The following B9D1 variants were observed in gnomAD, a reference collection of about 807,000 sequenced individuals.
The protein encoded by B9D1 is B9 domain containing 1.
In B9D1, 20 loss-of-function variants were observed where a neutral mutation model predicts 26.1. That is an observed-to-expected ratio of 0.77 (90% CI 0.54 to 1.12). The LOEUF is 1.12. B9D1 is among the 50% of genes most tolerant of loss of function. The pLI, the probability that B9D1 is intolerant of heterozygous loss-of-function variation, is 0.00. For missense variants in B9D1, 260 were observed against 273.7 expected (o/e 0.95, Z 0.35); for synonymous variants, 105 against 103.1 (o/e 1.02, Z -0.11).
At chr17:19,361,048 C>T (rs149794594) in intron 1 of B9D1, among the ~76,000 whole-genome samples, 1,569 of 152,110 alleles carry the variant, frequency 0.01, 20 homozygotes, top group African/African-American at 0.034. Flanking sequence ...CATAGGAGCA[C>T]GAACCCTACT....
At chr17:19,362,737 A>C (rs1911310648), upstream of B9D1, 254 of 1,376,924 alleles carry the variant, frequency 1.8e-4, no homozygotes, top group East Asian at 8.2e-4. Context: ...GGCGCAGTGA[A>C]CGGGCGCCGT....
At chr17:19,377,867 C>T in exon 1 of B9D1, 1 of 985,400 alleles carries the variant, frequency 1.0e-6, no homozygotes, top group Non-Finnish European at 1.2e-6. Flanking sequence ...ACCTAGAAGC[C>T]AGGAAACCGC....
upstream of B9D1, among the ~76,000 whole-genome samples, chr17:19,365,290 C>G (rs1911529531): frequency 6.6e-6 from 1 of 152,240 alleles, no homozygotes; most frequent in South Asian, 2.1e-4. The surrounding 1 kb of genome is among the most constrained non-coding windows in gnomAD (Gnocchi z 5.0). Flanking sequence ...CGATCTGGAC[C>G]CAAGGTCACA....
chr17:19,337,638 C>T, downstream of B9D1: 1 of 1,344,052 alleles, frequency 7.4e-7, no homozygotes, highest in Admixed American at 2.0e-5. Flanking sequence ...AACACATCTC[C>T]AGGTCTCAGC....
upstream of B9D1, chr17:19,362,818 C>T (rs1911320644): frequency 5.3e-6 from 6 of 1,140,842 alleles, no homozygotes; most frequent in East Asian, 1.2e-4. Flanking sequence ...CAGGTATGAC[C>T]GAGAGCTGGG....
upstream of B9D1, chr17:19,363,893 C>G (rs542806869): frequency 3.2e-4 from 48 of 152,234 alleles, no homozygotes; most frequent in African/African-American, 1.1e-3. Context: ...GTTCACACAT[C>G]TGACAAGAGC....
chr17:19,342,638 G>A (rs1052101337), downstream of B9D1, among the ~76,000 whole-genome samples: 3 of 152,196 alleles, frequency 2.0e-5, no homozygotes, highest in Admixed American at 2.0e-4. Flanking sequence ...AGGTCAGGGT[G>A]TTGAGCCAGG....
At chr17:19,375,260 A>C (rs1361427863) in intron 1 of B9D1, among the ~76,000 whole-genome samples, 1 of 151,940 alleles carries the variant, frequency 6.6e-6, no homozygotes, top group East Asian at 1.9e-4. Flanking sequence ...ACCGCACTCT[A>C]GCCTGGGCTG....
downstream of B9D1, chr17:19,335,319 C>A (rs373473878): frequency 7.3e-7 from 1 of 1,372,102 alleles, no homozygotes; most frequent in South Asian, 1.4e-5. Context: ...ACGAATATAC[C>A]AACATCCTGA....
At position 19,347,198 on chromosome 17, in the gene B9D1, T is replaced by A. The variant is rs755218740; in HGVS notation, c.404+71A>T. On this transcript the variant is annotated intron_variant, in intron 5 of 6. Coordinates refer to ENST00000261499, the MANE Select transcript of B9D1 (RefSeq NM_015681.6). The surrounding 1 kb of genome is among the most constrained non-coding windows in gnomAD (Gnocchi z 4.3). The stretch of plus-strand genomic sequence containing the variant: ...TCTGAGGAGGCGACCAGGCACAAAC[T>A]GAGGGGTAGAATGGGACATCCATTC... 5.6e-6 allele frequency: 9 copies of A among 1,614,088 alleles called. No homozygotes were observed. In the Admixed American group the frequency reaches 1.5e-4, roughly 27 times the overall value.
chr17:19,365,843 ATTCTTTT>A (rs1911564464), upstream of B9D1, among the ~76,000 whole-genome samples: 1 of 151,040 alleles, frequency 6.6e-6, no homozygotes, highest in Admixed American at 6.6e-5. The surrounding 1 kb of genome is among the most constrained non-coding windows in gnomAD (Gnocchi z 5.0). Flanking sequence ...ATTTGTAGCT[ATTCTTTT>A]TTTTTTTTTA....
intron 1 of B9D1, 148 bp from the exon 2 acceptor site, chr17:19,360,536 C>T: frequency 1.3e-6 from 1 of 741,100 alleles, no homozygotes; most frequent in South Asian, 1.4e-5. Flanking sequence ...AGAGGAGAGG[C>T]TGAGGACCAA....
chr17:19,346,911 A>G, intron 5 of B9D1: 5 of 1,439,902 alleles, frequency 3.5e-6, no homozygotes, highest in Non-Finnish European at 4.5e-6. Flanking sequence ...GGCATTTATC[A>G]TGATTACTGT....
downstream of B9D1, chr17:19,342,952 C>T (rs115707694): frequency 4.5e-3 from 2,007 of 441,158 alleles, 32 homozygotes; most frequent in African/African-American, 0.039. Flanking sequence ...CAATGTGTTG[C>T]GGTATAGAAA....
chr17:19,366,811 G>A (rs1052470919), upstream of B9D1, among the ~76,000 whole-genome samples: 2 of 152,114 alleles, frequency 1.3e-5, no homozygotes, highest in Non-Finnish European at 1.5e-5. Flanking sequence ...ACCCTTTGTG[G>A]CCTGTCCCTG....
rs1030009064 is a variant in B9D1, at chr17:19,370,499, C to T, written c.-298+7360G>A. On this transcript the variant is annotated intron_variant, in intron 1 of 5. Coordinates refer to the B9D1 transcript ENST00000477478. This position sits in a 1 kb window ranked among gnomAD's most constrained non-coding sequence, Gnocchi z 5.1. ...ATCTTTCTGGGAGGCAAACACAGGCCTTGGGGAATGTTCTGGGATGGGCGA... is the reference window on the plus strand; with the variant it reads ...ATCTTTCTGGGAGGCAAACACAGGCTTTGGGGAATGTTCTGGGATGGGCGA... Among the ~76,000 whole-genome samples, 16 of 152,308 alleles carry T rather than the reference C, an allele frequency of 1.1e-4. No individual in the cohort carries two copies. Among genetic ancestry groups the T allele is most frequent in the Middle Eastern group, 3.4e-3 (1 of 294 alleles).
upstream of B9D1, among the ~76,000 whole-genome samples, chr17:19,365,107 A>G (rs1317327283): frequency 2.6e-5 from 4 of 152,260 alleles, no homozygotes; most frequent in Non-Finnish European, 4.4e-5. The surrounding 1 kb of genome is among the most constrained non-coding windows in gnomAD (Gnocchi z 5.0). Flanking sequence ...AAGAGGGAAC[A>G]GTGGGATTGA....
chr17:19,351,006 T>C (rs1680025589), intron 3 of B9D1, among the ~76,000 whole-genome samples: 1 of 151,980 alleles, frequency 6.6e-6, no homozygotes, highest in African/African-American at 2.4e-5. Flanking sequence ...ACCCGGCTAA[T>C]TTTTGTATTT....
In B9D1 at chr17:19,343,774, G is replaced by C. The variant is rs375227607; in HGVS notation, c.472+16C>G. 20 of 1,612,920 alleles carry C rather than the reference G, an allele frequency of 1.2e-5. No homozygotes were observed. Among genetic ancestry groups the C allele is most frequent in the Non-Finnish European group, 1.7e-5 (20 of 1,179,148 alleles). ...CTGTATGGGGGATGGGGGTAAGAGA[G>C]GGGAGGGAGCTTTACCTTCCCGGCC... On this transcript the variant is annotated intron_variant, in intron 6 of 6. Transcript: ENST00000261499.
Sources: gnomAD v4.1 joint callset for allele counts (sites outside exome capture counted in the v4.1 genomes callset) on GRCh38, gnomAD v4.1.1 for gene constraint, Gnocchi (gnomAD v3.1) non-coding constraint, MANE v1.5 for transcripts, NCBI Gene and HGNC (gene_info 2026-07-23, HGNC 2026-07-21) for gene names.